The following MEF2C variants were observed in gnomAD, a reference collection of about 807,000 sequenced individuals.
The protein encoded by MEF2C is myocyte enhancer factor 2C.
In MEF2C, 6 loss-of-function variants were observed where a neutral mutation model predicts 50.5. The observed-to-expected ratio is 0.12, with a 90% CI of 0.07 to 0.23. The LOEUF (loss-of-function observed/expected upper bound fraction) is 0.23, where lower values mean the gene tolerates loss of function less well. Among genes scored for constraint, MEF2C ranks in the 10% least tolerant of loss-of-function variants. The pLI is 1.00. For missense variants in MEF2C, 276 were observed against 605.0 expected (o/e 0.46, Z 5.70); for synonymous variants, 183 against 228.0 (o/e 0.80, Z 1.78).
chr5:88,761,172 T>C lies in MEF2C; in HGVS notation c.402+13A>G. On this transcript the variant is annotated intron_variant, in intron 4 of 10. Transcript: ENST00000504921. ...CAAGAGTAAAAAAAATGAAGGGTGT[T>C]CTGAGTACTTACACACAATCTTTGC... 6.2e-7 allele frequency: 1 copy of C among 1,614,012 alleles called. No homozygotes were observed. The highest frequency in any genetic ancestry group is 8.5e-7 in the Non-Finnish European group (1 of 1,179,886).
At chr5:88,726,525 CAGAG>C (rs1247064935) in intron 10 of MEF2C, among the ~76,000 whole-genome samples, 1 of 151,762 alleles carries the variant, frequency 6.6e-6, no homozygotes, top group East Asian at 1.9e-4. Flanking sequence ...GTGTGTGAAG[CAGAG>C]AGAGAGAAGG....
intron 1 of MEF2C, among the ~76,000 whole-genome samples, chr5:88,835,084 G>C (rs985213205): frequency 1.3e-5 from 2 of 152,172 alleles, no homozygotes; most frequent in African/African-American, 4.8e-5. Context: ...AGTATTTCAT[G>C]ATGGCAATGG....
intron 6 of MEF2C, chr5:88,746,654 C>T: frequency 1.0e-6 from 1 of 985,342 alleles, no homozygotes; most frequent in Non-Finnish European, 1.2e-6. Flanking sequence ...AACATTCTGG[C>T]TGGCCTTGTT....
intron 1 of MEF2C, among the ~76,000 whole-genome samples, chr5:88,852,028 T>C (rs1821543057): frequency 6.6e-6 from 1 of 152,174 alleles, no homozygotes. Context: ...AAAACTCGAA[T>C]GACCAAAAGT....
At chr5:88,897,106 A>G (rs1005788903) in intron 1 of MEF2C, among the ~76,000 whole-genome samples, 8 of 152,214 alleles carry the variant, frequency 5.3e-5, no homozygotes, top group African/African-American at 1.9e-4. Context: ...GCTTATTTCT[A>G]AACAATTGAT....
In MEF2C at chr5:88,797,960, T is replaced by C. The variant is rs1272973445; in HGVS notation, c.258+6638A>G. On this transcript the variant is annotated intron_variant, in intron 3 of 10. Coordinates refer to ENST00000504921, the MANE Select transcript of MEF2C (RefSeq NM_002397.5). ...TTGAAAATTCTTTTCTTTAAGAATG[T>C]TGAATATTGGCCCCCATTCTCTTCT... Among the ~76,000 whole-genome samples, 4 of 152,340 alleles carry C rather than the reference T, an allele frequency of 2.6e-5. No homozygotes were observed. The East Asian group carries it at 7.7e-4, about 29-fold the overall frequency.
intron 2 of MEF2C, among the ~76,000 whole-genome samples, chr5:88,811,439 G>A (rs1219378564): frequency 1.3e-5 from 2 of 152,130 alleles, no homozygotes; most frequent in Non-Finnish European, 2.9e-5. Context: ...CAAGGAAGGT[G>A]TAGAAGGGGC....
chr5:88,874,492 T>C (rs376421069), intron 1 of MEF2C, among the ~76,000 whole-genome samples: 2 of 151,980 alleles, frequency 1.3e-5, no homozygotes, highest in East Asian at 3.8e-4. Flanking sequence ...GTTTAACATC[T>C]TTTTCCTCCC....
At chr5:88,782,109 A>G in intron 3 of MEF2C, 1 of 963,768 alleles carries the variant, frequency 1.0e-6, no homozygotes, top group Non-Finnish European at 1.2e-6. Flanking sequence ...TTCATTAGGA[A>G]CTTCTAAATT....
rs180954086 is a variant in MEF2C at position 88,719,887 on chromosome 5, C to G, written c.*2717G>C. ...CTGTTCTCTTCATGTTCTTATAAAACTATTGTCAGAACTGCTATAAATAGC... is the reference window on the plus strand; with the variant it reads ...CTGTTCTCTTCATGTTCTTATAAAAGTATTGTCAGAACTGCTATAAATAGC... On this transcript the variant is annotated 3_prime_UTR_variant, in exon 11 of 11. Transcript: ENST00000504921. 3.9e-4 allele frequency: 60 copies of G among 152,292 alleles called. No homozygotes were observed. In the East Asian group the frequency reaches 0.011, roughly 28 times the overall value. 9.4% of individuals were successfully genotyped at this position (152,292 alleles called of 1,614,324 possible). A position where few individuals can be genotyped will look rare whatever the true frequency, so the allele number is the denominator to read the frequency against.
chr5:88,790,242 T>C (rs995614748), intron 3 of MEF2C, among the ~76,000 whole-genome samples: 1 of 152,228 alleles, frequency 6.6e-6, no homozygotes, highest in Non-Finnish European at 1.5e-5. Context: ...TTTTATAGCA[T>C]GATTCTAACC....
chr5:88,722,174 C>G lies in MEF2C; in HGVS notation c.*430G>C, dbSNP rs1561638196. On this transcript the variant is annotated 3_prime_UTR_variant, in exon 11 of 11. Coordinates refer to ENST00000504921, the MANE Select transcript of MEF2C (RefSeq NM_002397.5). The stretch of plus-strand genomic sequence containing the variant: ...ATGGCCACCCATTACCGGGTCTGTC[C>G]AAGCATCTATACATTTTTCTATATG... 1 of 164,568 alleles carries G rather than the reference C, an allele frequency of 6.1e-6. No individual in the cohort carries two copies. Among genetic ancestry groups the G allele is most frequent in the East Asian group, 1.7e-4 (1 of 6,012 alleles). The allele number at this position is 164,568 out of a possible 1,614,324, so 10.2% of individuals were successfully genotyped here.
chr5:88,759,008 C>T (rs553390115), intron 4 of MEF2C, among the ~76,000 whole-genome samples: 498 of 152,334 alleles, frequency 3.3e-3, no homozygotes, highest in Non-Finnish European at 5.7e-3. Flanking sequence ...ATGATCGCTT[C>T]CATTGAGTGA....
intron 3 of MEF2C, among the ~76,000 whole-genome samples, chr5:88,765,949 G>T (rs936598533): frequency 2.0e-5 from 3 of 152,162 alleles, no homozygotes; most frequent in East Asian, 3.9e-4. Context: ...AACTACAGAG[G>T]CTTCTGGGAT....
chr5:88,750,565 C>A (rs997213018), intron 5 of MEF2C, among the ~76,000 whole-genome samples: 21 of 152,042 alleles, frequency 1.4e-4, no homozygotes, highest in Non-Finnish European at 2.9e-4. Flanking sequence ...TTTGGAAATA[C>A]CGTATCAAAT....
At chr5:88,800,910 A>G (rs903949278) in intron 3 of MEF2C, among the ~76,000 whole-genome samples, 1 of 148,906 alleles carries the variant, frequency 6.7e-6, no homozygotes, top group African/African-American at 2.4e-5. Context: ...GCATTATAAT[A>G]TAATCATAAA....
At chr5:88,800,883 A>G (rs1364028667) in intron 3 of MEF2C, among the ~76,000 whole-genome samples, 1 of 152,186 alleles carries the variant, frequency 6.6e-6, no homozygotes, top group Non-Finnish European at 1.5e-5. Flanking sequence ...TATTGTATCT[A>G]AACAGATATT....
rs1830589573 is a variant in MEF2C at position 88,874,845 on chromosome 5, TA to T, written c.-143+8109del. Among the ~76,000 whole-genome samples the T allele has an allele frequency of 2.6e-5, 4 of 152,086 alleles. No homozygotes were observed. In the South Asian group the frequency reaches 8.3e-4, roughly 31 times the overall value. ...ATACTGTTAAATCAATAATTTAGTT[TA>T]AAAATAAAATTAGAACAAATATTTA... On this transcript the variant is annotated intron_variant, in intron 1 of 10. Transcript: ENST00000504921.
At chr5:88,794,904 T>C (rs903887797) in intron 3 of MEF2C, among the ~76,000 whole-genome samples, 11 of 152,236 alleles carry the variant, frequency 7.2e-5, no homozygotes, top group Non-Finnish European at 1.0e-4. Flanking sequence ...TAGAGAATCG[T>C]TTCTCCATTA....
Sources: allele counts gnomAD v4.1 joint callset (sites outside exome capture counted in the v4.1 genomes callset), GRCh38; gene constraint gnomAD v4.1.1; transcripts MANE v1.5; gene names NCBI Gene and HGNC (gene_info 2026-07-23, HGNC 2026-07-21).